Variants in DNAH11 observed in about 807,000 individuals in gnomAD.
DNAH11 encodes axonemal beta dynein heavy chain 11.
A neutral mutation model predicts 526.0 loss-of-function variants in DNAH11; 442 were observed. The observed-to-expected ratio is 0.84, with a 90% confidence interval of 0.78 to 0.91. The LOEUF (loss-of-function observed/expected upper bound fraction) is 0.91, where lower values mean the gene tolerates loss of function less well. Ranked by LOEUF, DNAH11 falls within the 40% of genes least tolerant of loss-of-function variation. DNAH11 has a pLI of 0.00. For synonymous variants in DNAH11, 2,461 were observed against 1,935.9 expected, an observed-to-expected ratio of 1.27 and a Z score of -7.12; for missense variants, 6,989 against 5,448.7, an observed-to-expected ratio of 1.28 and a Z score of -8.90.
chr7:21,744,534 A>T lies in DNAH11; in HGVS notation c.8251A>T (p.Ile2751Leu), dbSNP rs1162724673. 1 of 1,613,644 alleles carries T rather than the reference A, an allele frequency of 6.2e-7. No homozygotes were observed. The highest frequency in any genetic ancestry group is 1.3e-5 in the African/African-American group (1 of 75,020). The change falls in exon 50 of 82, where the codon ATA becomes TTA. Residue 2751 changes from isoleucine (I) to leucine (L), a missense_variant. Transcript: ENST00000409508. ...ESARVYGDKL[I>L]DKKDCDLFQR... ...TGCCCGTGTTTATGGAGACAAACTG[A>T]TAGACAAAAAAGATTGTGATTTGTT...
At position 21,720,759 on chromosome 7, in the gene DNAH11, C is replaced by T. The variant is rs1395315449; in HGVS notation, c.7169C>T (p.Pro2390Leu). The T allele has an allele frequency of 2.5e-6, 4 of 1,592,866 alleles. No homozygotes were observed. The highest frequency in any genetic ancestry group is 3.4e-6 in the Non-Finnish European group (4 of 1,168,802). Residue 2390 changes from proline to leucine, a missense_variant, in exon 44 of 82, where the codon CCT becomes CTT. Coordinates refer to ENST00000409508, the MANE Select transcript of DNAH11 (RefSeq NM_001277115.2). Reference protein sequence around the residue: ...LCVLLECLLTPENVPSDSPKE... With the variant: ...LCVLLECLLTLENVPSDSPKE... ...GTTCTTTTGGAGTGCTTGCTGACTC[C>T]TGAAAATGTACCTTCTGACAGCCCA...
intron 4 of DNAH11, among the ~76,000 whole-genome samples, chr7:21,560,645 TCTC>T (rs143460255): frequency 0.031 from 4,771 of 152,236 alleles, 314 homozygotes; most frequent in East Asian, 0.28. Context: ...TTTTCCATCT[TCTC>T]CTGCCTGCTC....
intron 58 of DNAH11, 93 bp downstream of exon 58, chr7:21,784,633 C>A: frequency 2.4e-6 from 2 of 822,822 alleles, no homozygotes; most frequent in Non-Finnish European, 3.6e-6. Flanking sequence ...TAGCCCATTA[C>A]AGCCAAAAAG....
intron 57 of DNAH11, among the ~76,000 whole-genome samples, chr7:21,783,260 G>A (rs1788030329): frequency 6.6e-6 from 1 of 152,096 alleles, no homozygotes; most frequent in Non-Finnish European, 1.5e-5. Flanking sequence ...AGCTGTGTGT[G>A]TATTAGCAGG....
chr7:21,681,572 A>T lies in DNAH11; in HGVS notation c.5355A>T (p.Thr1785=). The T allele has an allele frequency of 1.2e-6, 2 of 1,613,904 alleles. No homozygotes were observed. Among genetic ancestry groups the T allele is most frequent in the Non-Finnish European group, 1.7e-6 (2 of 1,179,782 alleles). The change falls in exon 31 of 82, where the codon ACA becomes ACT. Residue 1785 remains threonine, a synonymous_variant. Coordinates refer to ENST00000409508, the MANE Select transcript of DNAH11 (RefSeq NM_001277115.2). ...TTTCTCAGCTGAATACACTGATTAC[A>T]CTTTTGCTGGGAGAACTTCCACCTG... is the stretch of plus-strand genomic sequence containing the variant. ...KQISQLNTLI[T]LLLGELPPGD... is the part of the protein sequence containing the mutation.
At chr7:21,841,745 G>C (rs1187307524) in intron 65 of DNAH11, among the ~76,000 whole-genome samples, 1 of 152,154 alleles carries the variant, frequency 6.6e-6, no homozygotes, top group Non-Finnish European at 1.5e-5. Context: ...AGGAATGAAT[G>C]AGTGAATACA....
chr7:21,848,060 G>A (rs1324902684), intron 66 of DNAH11, among the ~76,000 whole-genome samples: 5 of 151,450 alleles, frequency 3.3e-5, no homozygotes, highest in African/African-American at 9.7e-5. Context: ...CCAGCTACTC[G>A]GGAGGCTGAG....
chr7:21,598,963 A>G (rs975138802), intron 14 of DNAH11, among the ~76,000 whole-genome samples: 1 of 152,148 alleles, frequency 6.6e-6, no homozygotes, highest in African/African-American at 2.4e-5. Flanking sequence ...TACACGTACC[A>G]CATTTTCTTT....
At chr7:21,814,489 A>G (rs965120550) in intron 63 of DNAH11, among the ~76,000 whole-genome samples, 2 of 148,186 alleles carry the variant, frequency 1.3e-5, no homozygotes, top group African/African-American at 2.5e-5. Flanking sequence ...AGCATTAGGT[A>G]TATCTCCCAA....
chr7:21,673,746 T>C (rs1782739194), intron 30 of DNAH11, among the ~76,000 whole-genome samples: 1 of 152,154 alleles, frequency 6.6e-6, no homozygotes, highest in Non-Finnish European at 1.5e-5. Context: ...TTTCCTGCCT[T>C]ATCTTTGTTT....
chr7:21,823,709 CAAACAT>C (rs1317953652), intron 65 of DNAH11, among the ~76,000 whole-genome samples: 1 of 151,984 alleles, frequency 6.6e-6, no homozygotes, highest in South Asian at 2.1e-4. Flanking sequence ...CAGAGCAATA[CAAACAT>C]AAAACTTTTA....
chr7:21,729,970 C>G (rs989488274), intron 45 of DNAH11, among the ~76,000 whole-genome samples: 1 of 152,092 alleles, frequency 6.6e-6, no homozygotes. Context: ...ATCAAAAAGA[C>G]GAAAGATAAC....
chr7:21,745,815 G>C (rs112182347), intron 51 of DNAH11, among the ~76,000 whole-genome samples: 12 of 152,294 alleles, frequency 7.9e-5, no homozygotes, highest in African/African-American at 2.4e-4. Context: ...AGAGGGACTG[G>C]GCATCCCTGT....
chr7:21,736,230 G>A (rs1240830480), intron 46 of DNAH11, among the ~76,000 whole-genome samples: 2 of 152,216 alleles, frequency 1.3e-5, no homozygotes, highest in African/African-American at 2.4e-5. Context: ...CATTAAAACT[G>A]TGTTGAGTAA....
chr7:21,758,752 G>A (rs1161861933), intron 54 of DNAH11, among the ~76,000 whole-genome samples: 1 of 152,202 alleles, frequency 6.6e-6, no homozygotes, highest in East Asian at 1.9e-4. Context: ...TTAATCCCTT[G>A]AGTAAGAACA....
chr7:21,732,323 A>G (rs1000655888), intron 45 of DNAH11, among the ~76,000 whole-genome samples: 2 of 152,126 alleles, frequency 1.3e-5, no homozygotes, highest in African/African-American at 4.8e-5. Context: ...AAATTTTCTT[A>G]TAAGGACACC....
intron 46 of DNAH11, among the ~76,000 whole-genome samples, chr7:21,738,106 A>T (rs902392378): frequency 3.3e-5 from 5 of 152,184 alleles, no homozygotes; most frequent in African/African-American, 1.2e-4. Flanking sequence ...CATCTCAGAC[A>T]CGCACTGTTC....
At chr7:21,891,974 G>A (rs371958383) in intron 76 of DNAH11, among the ~76,000 whole-genome samples, 13 of 151,972 alleles carry the variant, frequency 8.6e-5, no homozygotes, top group Non-Finnish European at 1.9e-4. Context: ...GTGCCCTGGG[G>A]AAGTACAGGC....
intron 43 of DNAH11, among the ~76,000 whole-genome samples, chr7:21,718,154 A>G (rs189127366): frequency 1.2e-4 from 18 of 145,276 alleles, no homozygotes; most frequent in Middle Eastern, 3.7e-3. Flanking sequence ...TCTTTTCACA[A>G]TCTTGTGAAA....
Sources: gnomAD v4.1 joint callset for allele counts (sites outside exome capture counted in the v4.1 genomes callset) on GRCh38, gnomAD v4.1.1 for gene constraint, MANE v1.5 for transcripts, NCBI Gene and HGNC (gene_info 2026-07-23, HGNC 2026-07-21) for gene names.